Variants in CNTNAP2 observed in about 807,000 individuals in gnomAD.
CNTNAP2 encodes the protein contactin associated protein 2.
CNTNAP2 carries 98 observed loss-of-function variants against 155.2 expected under a neutral mutation model. That is an observed-to-expected ratio of 0.63 (90% CI 0.54 to 0.75). The LOEUF is 0.75. Among genes scored for constraint, CNTNAP2 ranks in the 30% least tolerant of loss-of-function variants. The pLI is 0.00. For synonymous variants in CNTNAP2, 651 were observed against 631.2 expected (o/e 1.03, Z -0.47); for missense variants, 1,727 against 1,688.1 (o/e 1.02, Z -0.40).
intron 6 of CNTNAP2, among the ~76,000 whole-genome samples, chr7:147,127,771 G>T (rs532147610): frequency 1.3e-5 from 2 of 152,094 alleles, no homozygotes; most frequent in Admixed American, 1.3e-4. Flanking sequence ...TTTTAATGAA[G>T]CTGATAGTAA....
intron 1 of CNTNAP2, among the ~76,000 whole-genome samples, chr7:146,193,001 G>T (rs563301845): frequency 6.6e-6 from 1 of 152,248 alleles, no homozygotes; most frequent in East Asian, 1.9e-4. Context: ...ATCCAGAGAG[G>T]CAGTCAAATC....
At chr7:147,697,403 C>T (rs1321301354) in intron 13 of CNTNAP2, among the ~76,000 whole-genome samples, 1 of 151,898 alleles carries the variant, frequency 6.6e-6, no homozygotes, top group African/African-American at 2.4e-5. Context: ...ATCGATCTCG[C>T]CAACTGTGGT....
intron 10 of CNTNAP2, among the ~76,000 whole-genome samples, chr7:147,478,170 G>GGA (rs1431804376): frequency 3.3e-5 from 5 of 151,524 alleles, no homozygotes; most frequent in African/African-American, 1.2e-4. Flanking sequence ...TTGGGTGGTG[G>GGA]GGGAGGGAGT....
chr7:147,087,194 G>T (rs1345756815), intron 4 of CNTNAP2, among the ~76,000 whole-genome samples: 1 of 152,110 alleles, frequency 6.6e-6, no homozygotes, highest in Admixed American at 6.5e-5. Flanking sequence ...GTTAAGTATT[G>T]TTCCCATTAT....
chr7:147,073,816 G>A (rs957963504), intron 4 of CNTNAP2, among the ~76,000 whole-genome samples: 1 of 152,154 alleles, frequency 6.6e-6, no homozygotes, highest in Non-Finnish European at 1.5e-5. Flanking sequence ...GGTGACCATA[G>A]CATGAGTTGT....
intron 14 of CNTNAP2, among the ~76,000 whole-genome samples, chr7:147,918,177 T>C (rs986802314): frequency 6.6e-6 from 1 of 152,224 alleles, no homozygotes; most frequent in South Asian, 2.1e-4. Context: ...CTCTCTCAAA[T>C]TACAAGCTTC....
intron 14 of CNTNAP2, among the ~76,000 whole-genome samples, chr7:147,967,853 C>T (rs1815235428): frequency 6.6e-6 from 1 of 151,994 alleles, no homozygotes; most frequent in Non-Finnish European, 1.5e-5. Context: ...AGATATGGAT[C>T]TTCTAATTAA....
chr7:147,693,674 T>G (rs1796121143), intron 13 of CNTNAP2, among the ~76,000 whole-genome samples: 1 of 152,066 alleles, frequency 6.6e-6, no homozygotes, highest in African/African-American at 2.4e-5. Context: ...CTCTTGTACT[T>G]TGACCTTGTA....
chr7:146,176,182 T>C (rs1157017141), intron 1 of CNTNAP2, among the ~76,000 whole-genome samples: 1 of 152,200 alleles, frequency 6.6e-6, no homozygotes, highest in African/African-American at 2.4e-5. Context: ...CATAATGCCC[T>C]GTAGGTATGG....
chr7:148,415,073 C>A (rs1253973223), intron 23 of CNTNAP2, among the ~76,000 whole-genome samples: 1 of 152,158 alleles, frequency 6.6e-6, no homozygotes, highest in South Asian at 2.1e-4. Flanking sequence ...CGCTGCCAGC[C>A]AGAAAACTAG....
chr7:147,457,559 G>GT (rs140417992), intron 10 of CNTNAP2, among the ~76,000 whole-genome samples: 32,787 of 150,318 alleles, frequency 0.22, 4,157 homozygotes, highest in African/African-American at 0.34. Context: ...AGATATGAGA[G>GT]GTTTTTTTTC....
At chr7:146,948,559 A>G (rs1401333455) in intron 3 of CNTNAP2, among the ~76,000 whole-genome samples, 2 of 152,204 alleles carry the variant, frequency 1.3e-5, no homozygotes, top group East Asian at 3.8e-4. Flanking sequence ...CTTCTCAATT[A>G]TATTTAAATC....
intron 17 of CNTNAP2, among the ~76,000 whole-genome samples, chr7:148,152,615 C>T (rs1373423707): frequency 1.3e-5 from 2 of 152,158 alleles, no homozygotes; most frequent in East Asian, 3.9e-4. Flanking sequence ...GAGTTCAGGC[C>T]TCTCCCATAA....
chr7:148,046,095 G>T (rs1046110307), intron 15 of CNTNAP2, among the ~76,000 whole-genome samples: 1 of 152,020 alleles, frequency 6.6e-6, no homozygotes, highest in Middle Eastern at 3.4e-3. Context: ...TTTTGTTTTT[G>T]TTTGAGGCAG....
intron 13 of CNTNAP2, among the ~76,000 whole-genome samples, chr7:147,830,518 A>G (rs1021114739): frequency 2.0e-5 from 3 of 152,144 alleles, no homozygotes; most frequent in African/African-American, 4.8e-5. Context: ...CACTACATCT[A>G]CTTTCTTCAA....
At chr7:146,913,375 G>A (rs1463411837) in intron 3 of CNTNAP2, among the ~76,000 whole-genome samples, 1 of 152,134 alleles carries the variant, frequency 6.6e-6, no homozygotes, top group Non-Finnish European at 1.5e-5. Flanking sequence ...CCTAGAAGGT[G>A]AAAAAGTTTG....
intron 3 of CNTNAP2, among the ~76,000 whole-genome samples, chr7:146,877,890 G>T (rs571165770): frequency 1.3e-5 from 2 of 151,852 alleles, no homozygotes; most frequent in African/African-American, 2.4e-5. Flanking sequence ...TCAAGTAATC[G>T]ACTTTCATAA....
intron 10 of CNTNAP2, among the ~76,000 whole-genome samples, chr7:147,454,532 A>T (rs753963316): frequency 6.6e-6 from 1 of 152,116 alleles, no homozygotes. Flanking sequence ...CAGTTTTCCA[A>T]CAGAGCTATG....
chr7:146,196,994 G>C (rs999032837), intron 1 of CNTNAP2, among the ~76,000 whole-genome samples: 1 of 152,030 alleles, frequency 6.6e-6, no homozygotes, highest in Non-Finnish European at 1.5e-5. Context: ...TTTTTCCCCA[G>C]TGAATTTCAT....
Sources: allele counts gnomAD v4.1 joint callset (sites outside exome capture counted in the v4.1 genomes callset), GRCh38; gene constraint gnomAD v4.1.1; transcripts MANE v1.5; gene names NCBI Gene and HGNC (gene_info 2026-07-23, HGNC 2026-07-21).